Variants in VGLL3 observed in about 807,000 individuals in gnomAD.
VGLL3 encodes the protein transcription cofactor vestigial-like protein 3.
VGLL3 carries 18 observed loss-of-function variants against 29.2 expected under a neutral mutation model. The ratio of observed to expected loss-of-function variants is 0.62; its 90% confidence interval spans 0.43 to 0.91. The LOEUF (loss-of-function observed/expected upper bound fraction) is 0.91, where lower values mean the gene tolerates loss of function less well. Ranked by LOEUF, VGLL3 falls within the 40% of genes least tolerant of loss-of-function variation. The pLI is 0.00. For missense variants in VGLL3, 440 were observed against 413.2 expected (o/e 1.06, Z -0.56); for synonymous variants, 180 against 151.8 (o/e 1.19, Z -1.36).
intron 2 of VGLL3, among the ~76,000 whole-genome samples, chr3:86,972,329 GT>G: frequency 6.6e-6 from 1 of 152,260 alleles, no homozygotes; most frequent in East Asian, 1.9e-4. Context: ...TATTTTCCCA[GT>G]CAATATGTCT....
chr3:86,982,573 T>C (rs748743660), intron 1 of VGLL3, among the ~76,000 whole-genome samples: 16 of 152,104 alleles, frequency 1.1e-4, no homozygotes, highest in African/African-American at 3.9e-4. Flanking sequence ...GAATAATATA[T>C]AAAATTCAAA....
At chr3:86,970,029 T>C (rs1276728876) in intron 2 of VGLL3, among the ~76,000 whole-genome samples, 5 of 152,022 alleles carry the variant, frequency 3.3e-5, no homozygotes, top group Non-Finnish European at 5.9e-5. Context: ...CCTCAACATC[T>C]CGAATTTGGT....
chr3:86,975,559 A>C (rs1259202607), intron 2 of VGLL3, among the ~76,000 whole-genome samples: 1 of 152,172 alleles, frequency 6.6e-6, no homozygotes, highest in East Asian at 1.9e-4. Context: ...ATTACCAAGA[A>C]ATTTTCTATT....
rs947674459 is a variant in VGLL3 at position 86,943,810 on chromosome 3, G to A, written c.*3214C>T. The A allele has an allele frequency of 1.5e-4, 23 of 152,196 alleles. No individual in the cohort carries two copies. Among genetic ancestry groups the A allele is most frequent in the Admixed American group, 8.5e-4 (13 of 15,298 alleles). 9.4% of individuals were successfully genotyped at this position (152,196 alleles called of 1,614,324 possible). A position where few individuals can be genotyped will look rare whatever the true frequency, so the allele number is the denominator to read the frequency against. The stretch of plus-strand genomic sequence containing the variant: ...AACATTATGTTGTTTCTTAGCTCCC[G>A]ATGGTTTATTGGTGGAAGCATAGAT... On this transcript the variant is annotated 3_prime_UTR_variant, in exon 4 of 4. Coordinates refer to ENST00000398399, the MANE Select transcript of VGLL3 (RefSeq NM_016206.4).
chr3:86,971,354 A>C (rs564976370), intron 2 of VGLL3, among the ~76,000 whole-genome samples: 4 of 152,272 alleles, frequency 2.6e-5, no homozygotes, highest in Admixed American at 6.5e-5. Flanking sequence ...TCAGCTGGGC[A>C]CCAGAGCTAT....
intron 3 of VGLL3, chr3:86,963,035 C>T (rs1392630691): frequency 4.4e-6 from 1 of 226,290 alleles, no homozygotes; most frequent in Non-Finnish European, 9.6e-6. Context: ...GCAGAGGTTG[C>T]AGTGAGTCAA....
At chr3:86,948,707 T>A (rs1704554447) in intron 3 of VGLL3, among the ~76,000 whole-genome samples, 1 of 152,158 alleles carries the variant, frequency 6.6e-6, no homozygotes, top group Non-Finnish European at 1.5e-5. Context: ...GGCTCCACCT[T>A]TTTCTTTTTA....
At chr3:86,988,164 G>A (rs978577575) in intron 1 of VGLL3, among the ~76,000 whole-genome samples, 4 of 152,106 alleles carry the variant, frequency 2.6e-5, no homozygotes, top group Non-Finnish European at 2.9e-5. Context: ...CTTTAATGCT[G>A]TCTTTTCTAG....
Position 86,990,720 on chromosome 3 carries a change from A to T in VGLL3, c.24T>A (p.Tyr8Ter). 1 of 1,430,140 alleles carries T rather than the reference A, an allele frequency of 7.0e-7. No homozygotes were observed. Among genetic ancestry groups the T allele is most frequent in the Non-Finnish European group, 9.2e-7 (1 of 1,091,922 alleles). The allele number at this position is 1,430,140 out of a possible 1,614,324, so 88.6% of individuals were successfully genotyped here. The change falls in exon 1 of 4, where the codon TAT (tyrosine) becomes TAA (stop). Residue 8 changes from tyrosine (Y) to a stop codon, truncating the protein, a stop_gained. Transcript: ENST00000398399. LOFTEE classifies it high-confidence loss of function. ...GGGACGCTCCATAAGGCTGGGGGTG[A>T]TACATCACCTCCGCACAACTCATGG... MSCAEVM[Y>*]HPQPYGASQY...
intron 3 of VGLL3, among the ~76,000 whole-genome samples, chr3:86,958,254 T>C (rs1018593669): frequency 3.3e-5 from 5 of 152,138 alleles, no homozygotes; most frequent in African/African-American, 1.2e-4. Flanking sequence ...GGTAGACTCA[T>C]AGGAGTAAGA....
chr3:86,975,088 C>T (rs1200181000), intron 2 of VGLL3, among the ~76,000 whole-genome samples: 1 of 152,080 alleles, frequency 6.6e-6, no homozygotes, highest in Non-Finnish European at 1.5e-5. Flanking sequence ...ACACATATTA[C>T]AGTTGAGGAA....
intron 3 of VGLL3, among the ~76,000 whole-genome samples, chr3:86,956,450 T>C (rs2106978952): frequency 6.6e-6 from 1 of 152,294 alleles, no homozygotes; most frequent in Non-Finnish European, 1.5e-5. Flanking sequence ...TTAAGAAAAC[T>C]CTCAAAAGAT....
intron 1 of VGLL3, among the ~76,000 whole-genome samples, chr3:86,988,178 T>G (rs1267639853): frequency 6.6e-6 from 1 of 152,166 alleles, no homozygotes; most frequent in Admixed American, 6.5e-5. Flanking sequence ...TTTCTAGCAT[T>G]TTTTAAATGG....
intron 3 of VGLL3, among the ~76,000 whole-genome samples, chr3:86,949,653 T>C (rs189208032): frequency 8.8e-4 from 133 of 151,784 alleles, no homozygotes; most frequent in Non-Finnish European, 6.5e-4. Context: ...GGTGAAACCC[T>C]GTCTCCACTA....
At chr3:86,956,412 C>T (rs963623940) in intron 3 of VGLL3, among the ~76,000 whole-genome samples, 1 of 152,174 alleles carries the variant, frequency 6.6e-6, no homozygotes, top group African/African-American at 2.4e-5. Context: ...CTCCACCTTC[C>T]AACCGCAGCT....
intron 1 of VGLL3, among the ~76,000 whole-genome samples, chr3:86,980,389 A>G (rs1160567221): frequency 1.3e-5 from 2 of 152,116 alleles, no homozygotes; most frequent in Non-Finnish European, 2.9e-5. Flanking sequence ...CAGAAATACT[A>G]TGAACTTCTA....
chr3:86,949,415 TA>T (rs1394157977), intron 3 of VGLL3, among the ~76,000 whole-genome samples: 4 of 152,054 alleles, frequency 2.6e-5, no homozygotes, highest in Non-Finnish European at 5.9e-5. Context: ...TGATGGAACA[TA>T]AAAAATTTTG....
rs544541938 is a variant in VGLL3, at chr3:86,957,619, A to C, written c.938-10552T>G. 7.9e-5 allele frequency among the ~76,000 whole-genome samples: 12 copies of C among 152,272 alleles called. No individual in the cohort carries two copies. In the East Asian group the frequency reaches 1.4e-3, roughly 17 times the overall value. ...CTTACTCAACGTAATGCAGCTAATA[A>C]GTGGTGATATGTATGCAGAATCTGT... On this transcript the variant is annotated intron_variant, in intron 3 of 3. Coordinates refer to ENST00000398399, the MANE Select transcript of VGLL3 (RefSeq NM_016206.4).
rs1459354943 is a variant in VGLL3 at position 86,943,946 on chromosome 3, T to C, written c.*3078A>G. On this transcript the variant is annotated 3_prime_UTR_variant, in exon 4 of 4. Transcript: ENST00000398399. ...GACAAAAGTCACCTTTGTCTAAAGG[T>C]GGAGTGGTTTTAATAAAATTGTGGA... The C allele has an allele frequency of 3.3e-5, 5 of 152,066 alleles. No individual in the cohort carries two copies. 9.4% of individuals were successfully genotyped at this position (152,066 alleles called of 1,614,324 possible).
Sources: allele counts gnomAD v4.1 joint callset (sites outside exome capture counted in the v4.1 genomes callset), GRCh38; gene constraint gnomAD v4.1.1; transcripts MANE v1.5; gene names NCBI Gene and HGNC (gene_info 2026-07-23, HGNC 2026-07-21).